DOCK4: variants seen among roughly 807,000 people sequenced by gnomAD.
DOCK4 encodes dedicator of cytokinesis protein 4.
DOCK4 carries 97 observed loss-of-function variants against 268.1 expected under a neutral mutation model. The observed-to-expected ratio is 0.36, with a 90% CI of 0.31 to 0.43. The LOEUF is 0.43. Ranked by LOEUF, DOCK4 falls within the 20% of genes least tolerant of loss-of-function variation. DOCK4 has a pLI of 1.00. For synonymous variants in DOCK4, 954 were observed against 887.2 expected, an observed-to-expected ratio of 1.08 and a Z score of -1.34; for missense variants, 2,145 against 2,455.7, an observed-to-expected ratio of 0.87 and a Z score of 2.67.
At chr7:112,009,420 CTG>C (rs1345985950) in intron 1 of DOCK4, among the ~76,000 whole-genome samples, 7 of 152,132 alleles carry the variant, frequency 4.6e-5, no homozygotes, top group South Asian at 2.1e-4. Flanking sequence ...CAAAAGGAAA[CTG>C]TTGTTTTTCA....
chr7:112,112,045 C>T (rs1343594651), intron 1 of DOCK4, among the ~76,000 whole-genome samples: 1 of 152,168 alleles, frequency 6.6e-6, no homozygotes, highest in African/African-American at 2.4e-5. Context: ...TTCTAGCCAC[C>T]AGCTTACCCT....
At chr7:111,756,225 T>C (rs1433356160) in intron 41 of DOCK4, among the ~76,000 whole-genome samples, 1 of 152,176 alleles carries the variant, frequency 6.6e-6, no homozygotes, top group Non-Finnish European at 1.5e-5. Context: ...GGCGGGCACC[T>C]GTAGTCCCAG....
At chr7:111,991,402 T>C (rs17159106) in intron 5 of DOCK4, among the ~76,000 whole-genome samples, 7,185 of 152,226 alleles carry the variant, frequency 0.047, 261 homozygotes, top group East Asian at 0.15. Flanking sequence ...TATTCAGATA[T>C]ATGAAAAATG....
chr7:111,985,656 TAGTAAAAC>T (rs1798995391), intron 6 of DOCK4, among the ~76,000 whole-genome samples: 1 of 152,210 alleles, frequency 6.6e-6, no homozygotes, highest in Admixed American at 6.5e-5. Context: ...GTCTTTCAGA[TAGTAAAAC>T]AGTTTCTCAA....
At chr7:112,029,701 G>A (rs1803113655) in intron 1 of DOCK4, among the ~76,000 whole-genome samples, 1 of 152,168 alleles carries the variant, frequency 6.6e-6, no homozygotes, top group South Asian at 2.1e-4. Flanking sequence ...AGTGTTAATG[G>A]AGACGGTAAT....
rs1808702063 is a variant in DOCK4 at position 111,895,837 on chromosome 7, A to G, written c.1481-119T>C. On this transcript the variant is annotated intron_variant, in intron 15 of 52. Transcript: ENST00000428084. ...CACAACAGTTCCCACTACACAATGC[A>G]GCACAGCTTTTCTGATAGGCCATCT... 3.3e-6 allele frequency: 3 copies of G among 902,466 alleles called. No individual in the cohort carries two copies. In the East Asian group the frequency reaches 7.3e-5, roughly 22 times the overall value. 55.9% of individuals were successfully genotyped at this position (902,466 alleles called of 1,614,324 possible).
Position 111,915,805 on chromosome 7 carries a change from A to G in DOCK4, c.1166T>C (p.Leu389Pro). 1 of 1,613,246 alleles carries G rather than the reference A, an allele frequency of 6.2e-7. No individual in the cohort carries two copies. Among genetic ancestry groups the G allele is most frequent in the Non-Finnish European group, 8.5e-7 (1 of 1,179,608 alleles). ...AGGCATAATAATATTTGAAAATCCCAGCTTCCTTGTTATGGATACTCCATG... is the reference window on the plus strand; with the variant it reads ...AGGCATAATAATATTTGAAAATCCCGGCTTCCTTGTTATGGATACTCCATG... ...FSHGVSITRK[L>P]GFSNIIMPGE... The change falls in exon 13 of 53, where the codon CTG (leucine) becomes CCG (proline). Residue 389 changes from leucine to proline, a missense_variant. By Grantham distance (98) the Leu-to-Pro change is moderately conservative. Coordinates refer to ENST00000428084, the MANE Select transcript of DOCK4 (RefSeq NM_001363540.2).
At chr7:112,075,737 T>C (rs557815392) in intron 1 of DOCK4, among the ~76,000 whole-genome samples, 1 of 152,214 alleles carries the variant, frequency 6.6e-6, no homozygotes, top group Non-Finnish European at 1.5e-5. Context: ...ACAATGAAAC[T>C]TTTGATAGTG....
intron 16 of DOCK4, among the ~76,000 whole-genome samples, chr7:111,886,250 A>G (rs1055301116): frequency 6.6e-6 from 1 of 152,208 alleles, no homozygotes; most frequent in Admixed American, 6.5e-5. Flanking sequence ...TAAAAACCAG[A>G]TTTAAATAGT....
intron 13 of DOCK4, among the ~76,000 whole-genome samples, chr7:111,902,752 GTTTTCTTTTTTC>G (rs1456941090): frequency 6.6e-6 from 1 of 151,552 alleles, no homozygotes; most frequent in South Asian, 2.1e-4. Context: ...AAGTAATACT[GTTTTCTTTTTTC>G]TTTTCTTTTT....
intron 8 of DOCK4, among the ~76,000 whole-genome samples, chr7:111,962,867 A>G (rs73717918): frequency 0.035 from 5,294 of 152,292 alleles, 313 homozygotes; most frequent in African/African-American, 0.12. Flanking sequence ...TACTTAATTA[A>G]GACTTTTTGT....
intron 1 of DOCK4, among the ~76,000 whole-genome samples, chr7:112,146,852 A>T (rs1001734282): frequency 1.3e-5 from 2 of 152,186 alleles, no homozygotes; most frequent in African/African-American, 4.8e-5. Flanking sequence ...AATTTAGACG[A>T]GTGTAACAGT....
At chr7:111,886,078 G>A (rs1807814464) in intron 16 of DOCK4, among the ~76,000 whole-genome samples, 1 of 152,090 alleles carries the variant, frequency 6.6e-6, no homozygotes, top group Admixed American at 6.6e-5. Flanking sequence ...CAAGATATAT[G>A]ATTGAGAGAT....
chr7:111,875,951 T>C (rs182044642), intron 17 of DOCK4, among the ~76,000 whole-genome samples: 1 of 152,280 alleles, frequency 6.6e-6, no homozygotes, highest in East Asian at 1.9e-4. Context: ...GAATGCAAAC[T>C]CTACTACCCA....
chr7:111,999,283 C>T (rs909247728), intron 3 of DOCK4, among the ~76,000 whole-genome samples: 1 of 152,160 alleles, frequency 6.6e-6, no homozygotes, highest in Non-Finnish European at 1.5e-5. Flanking sequence ...ATATATATCA[C>T]CATTGTGGAT....
chr7:111,946,773 C>T (rs951969448), intron 8 of DOCK4, among the ~76,000 whole-genome samples: 1 of 152,022 alleles, frequency 6.6e-6, no homozygotes, highest in Non-Finnish European at 1.5e-5. Context: ...GTAGAGACAG[C>T]ATTTCACCAT....
chr7:111,830,059 A>G (rs990265374), intron 26 of DOCK4, among the ~76,000 whole-genome samples: 15 of 152,262 alleles, frequency 9.9e-5, no homozygotes, highest in Non-Finnish European at 1.3e-4. Context: ...AAATATTACA[A>G]TATAGGTTCA....
chr7:112,173,744 C>A (rs1818271415), intron 1 of DOCK4, among the ~76,000 whole-genome samples: 1 of 152,090 alleles, frequency 6.6e-6, no homozygotes, highest in Non-Finnish European at 1.5e-5. Context: ...AGGTGCTAGC[C>A]CAGCAAAACC....
rs1210496329 is a variant in DOCK4 at position 111,739,217 on chromosome 7, T to C, written c.5149A>G (p.Lys1717Glu). 20 of 1,613,862 alleles carry C rather than the reference T, an allele frequency of 1.2e-5. No individual in the cohort carries two copies. The highest frequency in any genetic ancestry group is 1.4e-5 in the Non-Finnish European group (17 of 1,179,876). Residue 1717 changes from lysine to glutamate, a missense_variant, in exon 49 of 53, where the codon AAA becomes GAA. Transcript: ENST00000428084. The stretch of plus-strand genomic sequence containing the variant: ...AGGCAAGAGTTTTCTCGGGAATGTT[T>C]GTGTTTGTCAGACAACAAAGGAGAA... ...RASPLLSDKH[K>E]HSRENSCLSP...
Sources: gnomAD v4.1 joint callset for allele counts (sites outside exome capture counted in the v4.1 genomes callset) on GRCh38, gnomAD v4.1.1 for gene constraint, MANE v1.5 for transcripts, NCBI Gene and HGNC (gene_info 2026-07-23, HGNC 2026-07-21) for gene names.